Variants in WDR7 observed in about 807,000 individuals in gnomAD.
WDR7 encodes WD repeat domain 7.
A neutral mutation model predicts 169.4 loss-of-function variants in WDR7; 46 were observed. The ratio of observed to expected loss-of-function variants is 0.27; its 90% CI spans 0.21 to 0.35. The LOEUF is 0.35. Ranked by LOEUF, WDR7 falls within the 10% of genes least tolerant of loss-of-function variation. WDR7 has a pLI of 1.00. For synonymous variants in WDR7, 612 were observed against 666.8 expected (o/e 0.92, Z 1.27); for missense variants, 1,534 against 1,859.3 (o/e 0.83, Z 3.22).
rs1265951165 is a variant in WDR7, at chr18:56,686,958, G to T, written c.701G>T (p.Cys234Phe). 1 of 1,609,440 alleles carries T rather than the reference G, an allele frequency of 6.2e-7. No homozygotes were observed. Among genetic ancestry groups the T allele is most frequent in the Non-Finnish European group, 8.5e-7 (1 of 1,177,018 alleles). The change falls in exon 7 of 28, where the codon TGT becomes TTT. Residue 234 changes from cysteine to phenylalanine, a missense_variant. Transcript: ENST00000254442. Reference protein sequence around the residue: ...AFTQRSLLVVCSKYWRVFDAG... With the variant: ...AFTQRSLLVVFSKYWRVFDAG... ...ACACAAAGGTCACTTTTGGTTGTGT[G>T]TTCCAAATATTGGAGGGTAAGATAA...
intron 21 of WDR7, among the ~76,000 whole-genome samples, chr18:56,915,751 C>T (rs1266851228): frequency 2.6e-5 from 4 of 152,216 alleles, no homozygotes. Flanking sequence ...TGTAATAATT[C>T]TATTAAGAAA....
chr18:57,010,983 CTCTATTTT>C (rs1361264603), intron 26 of WDR7, among the ~76,000 whole-genome samples: 1 of 152,060 alleles, frequency 6.6e-6, no homozygotes, highest in African/African-American at 2.4e-5. Context: ...AATGTTTATT[CTCTATTTT>C]TCTATTCATA....
At chr18:56,755,218 G>GT (rs1473699229) in intron 14 of WDR7, among the ~76,000 whole-genome samples, 1 of 151,592 alleles carries the variant, frequency 6.6e-6, no homozygotes, top group African/African-American at 2.4e-5. Flanking sequence ...CATTTAACAT[G>GT]TTTTTTATCG....
At chr18:56,877,745 A>C (rs1490810198) in intron 20 of WDR7, among the ~76,000 whole-genome samples, 1 of 152,132 alleles carries the variant, frequency 6.6e-6, no homozygotes, top group Non-Finnish European at 1.5e-5. Flanking sequence ...AAATATATTA[A>C]TTTATTTCAG....
chr18:56,903,238 A>G (rs1230998131), intron 21 of WDR7, among the ~76,000 whole-genome samples: 1 of 152,010 alleles, frequency 6.6e-6, no homozygotes, highest in Admixed American at 6.6e-5. Context: ...ATGGTGTTTC[A>G]CTGAGGTCTT....
At chr18:56,726,804 A>G (rs913764410) in intron 13 of WDR7, among the ~76,000 whole-genome samples, 3 of 152,152 alleles carry the variant, frequency 2.0e-5, no homozygotes, top group Non-Finnish European at 2.9e-5. Flanking sequence ...CCAGTGGCTC[A>G]TGAATTTGAG....
At chr18:56,795,125 AAACGTATTTAGGTTTTGGTCCATTAT>A (rs1414413556) in intron 19 of WDR7, among the ~76,000 whole-genome samples, 4 of 152,228 alleles carry the variant, frequency 2.6e-5, no homozygotes, top group Admixed American at 1.3e-4. Flanking sequence ...TCATGGATTG[AAACGTATTTAGGTTTTGGTCCATTAT>A]AATGATTCAT....
intron 13 of WDR7, among the ~76,000 whole-genome samples, chr18:56,718,467 T>G (rs1378529484): frequency 6.6e-6 from 1 of 152,212 alleles, no homozygotes; most frequent in Non-Finnish European, 1.5e-5. Flanking sequence ...GAAATCATTT[T>G]TATCTCAGGT....
chr18:56,879,344 G>C (rs2046072705), intron 20 of WDR7, among the ~76,000 whole-genome samples: 1 of 152,090 alleles, frequency 6.6e-6, no homozygotes, highest in African/African-American at 2.4e-5. Flanking sequence ...TCTCATTGTG[G>C]TTTTGCTTTG....
chr18:56,822,043 C>T (rs1236140368), intron 20 of WDR7, among the ~76,000 whole-genome samples: 1 of 152,066 alleles, frequency 6.6e-6, no homozygotes, highest in East Asian at 1.9e-4. Context: ...CCTCTCTCCT[C>T]AAACTCCCGA....
intron 21 of WDR7, among the ~76,000 whole-genome samples, chr18:56,900,525 A>G (rs1381610591): frequency 6.6e-6 from 1 of 152,174 alleles, no homozygotes; most frequent in Non-Finnish European, 1.5e-5. Flanking sequence ...GTCCAGAGAT[A>G]CTATGTGCAA....
intron 13 of WDR7, among the ~76,000 whole-genome samples, chr18:56,723,712 C>T (rs1328892506): frequency 1.3e-5 from 2 of 151,878 alleles, no homozygotes; most frequent in Non-Finnish European, 2.9e-5. Context: ...TTATTGGATC[C>T]GTGGCTGTGT....
intron 26 of WDR7, among the ~76,000 whole-genome samples, chr18:57,005,888 C>T (rs993565057): frequency 2.0e-5 from 3 of 152,074 alleles, no homozygotes; most frequent in Admixed American, 6.6e-5. Flanking sequence ...CATCCTGGGC[C>T]GCATGTGGCC....
chr18:56,974,152 TC>T (rs1371192042), intron 26 of WDR7, among the ~76,000 whole-genome samples: 1 of 152,142 alleles, frequency 6.6e-6, no homozygotes, highest in African/African-American at 2.4e-5. Flanking sequence ...TTGTGTTTTT[TC>T]CCATCTTTTA....
intron 14 of WDR7, among the ~76,000 whole-genome samples, chr18:56,742,084 T>C (rs2043628931): frequency 1.3e-5 from 2 of 152,248 alleles, no homozygotes; most frequent in Non-Finnish European, 2.9e-5. Flanking sequence ...TCTTGTTCTT[T>C]GATGGTTTTA....
At chr18:56,664,718 G>T (rs2024980664) in intron 1 of WDR7, among the ~76,000 whole-genome samples, 1 of 152,092 alleles carries the variant, frequency 6.6e-6, no homozygotes, top group African/African-American at 2.4e-5. Flanking sequence ...GTGCAGATAT[G>T]CAGCTTACTT....
At chr18:56,867,417 C>T (rs1258036621) in intron 20 of WDR7, among the ~76,000 whole-genome samples, 1 of 152,040 alleles carries the variant, frequency 6.6e-6, no homozygotes, top group Non-Finnish European at 1.5e-5. Context: ...AACATCAATA[C>T]ATATATATTT....
chr18:56,705,339 G>C (rs543193711), intron 12 of WDR7, among the ~76,000 whole-genome samples: 1 of 151,612 alleles, frequency 6.6e-6, no homozygotes, highest in Non-Finnish European at 1.5e-5. Context: ...GAGGGAGCCA[G>C]ACCAGCAAAC....
At chr18:56,817,022 C>G (rs1238822924) in intron 20 of WDR7, among the ~76,000 whole-genome samples, 1 of 151,242 alleles carries the variant, frequency 6.6e-6, no homozygotes, top group Non-Finnish European at 1.5e-5. Context: ...AGAAGCATGC[C>G]CAGAAAATAA....
Sources: allele counts gnomAD v4.1 joint callset (sites outside exome capture counted in the v4.1 genomes callset), GRCh38; gene constraint gnomAD v4.1.1; transcripts MANE v1.5; gene names NCBI Gene and HGNC (gene_info 2026-07-23, HGNC 2026-07-21).